Variants in TTC17 observed in about 807,000 individuals in gnomAD.
The protein encoded by TTC17 is tetratricopeptide repeat protein 17.
In TTC17, 58 loss-of-function variants were observed where a neutral mutation model predicts 143.8. That is an observed-to-expected ratio of 0.40 (90% CI 0.33 to 0.50). The LOEUF (loss-of-function observed/expected upper bound fraction) is 0.50. TTC17 is among the 20% of genes least tolerant of loss of function. The pLI is 0.49. For synonymous variants in TTC17, 501 were observed against 497.8 expected, an observed-to-expected ratio of 1.01 and a Z score of -0.09; for missense variants, 1,273 against 1,392.5, an observed-to-expected ratio of 0.91 and a Z score of 1.37.
intron 21 of TTC17, among the ~76,000 whole-genome samples, chr11:43,485,711 C>T (rs1378518806): frequency 6.6e-6 from 1 of 151,976 alleles, no homozygotes; most frequent in Non-Finnish European, 1.5e-5. Flanking sequence ...CTCAATCTCA[C>T]TAGTGATCAG....
intron 21 of TTC17, among the ~76,000 whole-genome samples, chr11:43,471,136 A>G: frequency 6.6e-6 from 1 of 152,212 alleles, no homozygotes. Context: ...GACGCGACTC[A>G]GGCTGCAGCT....
At chr11:43,359,173 G>A in intron 1 of TTC17, 60 bp downstream of exon 1, 1 of 1,481,964 alleles carries the variant, frequency 6.7e-7, no homozygotes, top group South Asian at 1.3e-5. Flanking sequence ...GGATTACCCT[G>A]CTTGGCCCCT....
intron 21 of TTC17, among the ~76,000 whole-genome samples, chr11:43,475,728 T>C (rs961463224): frequency 2.6e-5 from 4 of 152,206 alleles, no homozygotes; most frequent in African/African-American, 9.6e-5. Context: ...AGTTATCACG[T>C]TGGTGCTCAA....
intron 15 of TTC17, among the ~76,000 whole-genome samples, chr11:43,408,992 C>A (rs1289045480): frequency 6.6e-6 from 1 of 152,154 alleles, no homozygotes; most frequent in Non-Finnish European, 1.5e-5. Context: ...ATCCTCCCAT[C>A]TCAGCCTCCA....
At chr11:43,466,837 C>T in intron 21 of TTC17, 4 of 277,658 alleles carry the variant, frequency 1.4e-5, no homozygotes, top group Non-Finnish European at 2.9e-5. Flanking sequence ...AATGGCAAGA[C>T]AAGCAAGATC....
Position 43,490,230 on chromosome 11 carries a change from C to T in TTC17, c.3031-9C>T, listed in dbSNP as rs2134491836. On this transcript the variant is annotated splice_polypyrimidine_tract_variant and intron_variant, in intron 21 of 23. Coordinates refer to ENST00000039989, the MANE Select transcript of TTC17 (RefSeq NM_018259.6). ...AAGGACACCAGCCTTGGCTAACATT[C>T]CTTTGCAGAACCAGACGTCCTGGGT... 1 of 1,600,778 alleles carries T rather than the reference C, an allele frequency of 6.2e-7. No homozygotes were observed. Among genetic ancestry groups the T allele is most frequent in the East Asian group, 2.2e-5 (1 of 44,552 alleles).
chr11:43,460,348 C>T (rs1430420916), intron 21 of TTC17, among the ~76,000 whole-genome samples: 1 of 152,106 alleles, frequency 6.6e-6, no homozygotes, highest in Non-Finnish European at 1.5e-5. Flanking sequence ...TCAATAGGTA[C>T]TTTTTCTATC....
intron 16 of TTC17, among the ~76,000 whole-genome samples, chr11:43,432,852 C>G (rs963156006): frequency 2.6e-5 from 4 of 152,256 alleles, no homozygotes; most frequent in African/African-American, 9.6e-5. Context: ...ATTTTAAGTT[C>G]TTCTGAAATA....
chr11:43,402,132 A>G (rs1043231087), intron 10 of TTC17, among the ~76,000 whole-genome samples: 15 of 152,196 alleles, frequency 9.9e-5, no homozygotes, highest in African/African-American at 3.4e-4. Flanking sequence ...TCTATTTCTT[A>G]AAGTACCATC....
At chr11:43,448,553 C>CT (rs1947595727) in intron 19 of TTC17, 1 of 156,188 alleles carries the variant, frequency 6.4e-6, no homozygotes, top group South Asian at 2.0e-4. Flanking sequence ...TTGCTGACCC[C>CT]TTTTCTACCC....
Position 43,426,534 on chromosome 11 carries a change from G to C in TTC17, c.2251+11758G>C, listed in dbSNP as rs184619905. On this transcript the variant is annotated intron_variant, in intron 16 of 23. Transcript: ENST00000039989. ...GGGTATTAGGAAACTTTATTACTGAGATCCATCCACAAGTCTCTGCTCATA... is the reference window on the plus strand; with the variant it reads ...GGGTATTAGGAAACTTTATTACTGACATCCATCCACAAGTCTCTGCTCATA... 9.8e-5 allele frequency among the ~76,000 whole-genome samples: 15 copies of C among 152,308 alleles called. No individual in the cohort carries two copies. In the East Asian group the frequency reaches 1.9e-3, roughly 20 times the overall value.
chr11:43,451,911 GCAACTTCCTT>G (rs2134757126), intron 21 of TTC17, among the ~76,000 whole-genome samples: 1 of 152,258 alleles, frequency 6.6e-6, no homozygotes, highest in East Asian at 1.9e-4. Flanking sequence ...CTGTGAGATA[GCAACTTCCTT>G]CATCTTCCGA....
intron 21 of TTC17, chr11:43,486,449 C>A: frequency 2.2e-6 from 1 of 452,636 alleles, no homozygotes; most frequent in Non-Finnish European, 4.5e-6. Flanking sequence ...GTATCCCTAT[C>A]AGGTAGGAGG....
intron 16 of TTC17, among the ~76,000 whole-genome samples, chr11:43,430,748 C>CAA (rs1947138753): frequency 1.4e-5 from 2 of 148,146 alleles, no homozygotes; most frequent in Non-Finnish European, 3.0e-5. Flanking sequence ...CACACACACA[C>CAA]AAAGTTGAAA....
chr11:43,468,123 T>TA (rs1331002007), intron 21 of TTC17: 1 of 152,192 alleles, frequency 6.6e-6, no homozygotes, highest in African/African-American at 2.4e-5. Context: ...GAACTCACTT[T>TA]CAAATGTCCA....
chr11:43,448,401 A>G (rs921312517), intron 19 of TTC17, among the ~76,000 whole-genome samples: 3 of 152,102 alleles, frequency 2.0e-5, no homozygotes, highest in Non-Finnish European at 4.4e-5. Flanking sequence ...GATCCTCTCT[A>G]TAGAAGCACA....
intron 22 of TTC17, chr11:43,491,107 G>A (rs916248896): frequency 1.3e-5 from 2 of 152,198 alleles, no homozygotes; most frequent in Non-Finnish European, 2.9e-5. Flanking sequence ...GCATTGCTGA[G>A]TTTTAAACAC....
At chr11:43,415,229 A>G (rs1214721021) in intron 16 of TTC17, among the ~76,000 whole-genome samples, 2 of 152,136 alleles carry the variant, frequency 1.3e-5, no homozygotes, top group Non-Finnish European at 2.9e-5. Flanking sequence ...TACCTTTAAT[A>G]TAGTGACCCA....
At chr11:43,369,911 C>T (rs1308222869) in intron 1 of TTC17, among the ~76,000 whole-genome samples, 4 of 152,048 alleles carry the variant, frequency 2.6e-5, no homozygotes, top group Non-Finnish European at 2.9e-5. Context: ...CCACTGCACC[C>T]GGCCTCTGAT....
Sources: allele counts gnomAD v4.1 joint callset (sites outside exome capture counted in the v4.1 genomes callset), GRCh38; gene constraint gnomAD v4.1.1; transcripts MANE v1.5; gene names NCBI Gene and HGNC (gene_info 2026-07-23, HGNC 2026-07-21).